CTNNA2: variants seen among roughly 807,000 people sequenced by gnomAD.
CTNNA2 encodes catenin alpha 2, also known as catenin alpha-2.
Under a neutral mutation model 101.0 loss-of-function variants are expected in CTNNA2, and 42 were observed. The ratio of observed to expected loss-of-function variants is 0.42; its 90% CI spans 0.32 to 0.54. The LOEUF (loss-of-function observed/expected upper bound fraction) is 0.54. CTNNA2 is among the 20% of genes least tolerant of loss of function. CTNNA2 has a pLI of 0.14. For missense variants in CTNNA2, 871 were observed against 1,223.1 expected (o/e 0.71, Z 4.29); for synonymous variants, 450 against 456.4 (o/e 0.99, Z 0.18).
intron 1 of CTNNA2, among the ~76,000 whole-genome samples, chr2:79,541,210 A>G (rs13427707): frequency 3.2e-4 from 14 of 44,276 alleles, no homozygotes; most frequent in South Asian, 5.5e-4. Flanking sequence ...GTTTGTGTGT[A>G]TATATATATA....
chr2:79,938,560 C>T (rs1250150592), intron 7 of CTNNA2, among the ~76,000 whole-genome samples: 1 of 152,118 alleles, frequency 6.6e-6, no homozygotes, highest in East Asian at 1.9e-4. Flanking sequence ...GAACAGCGAG[C>T]GATCTGTTCG....
intron 3 of CTNNA2, among the ~76,000 whole-genome samples, chr2:79,852,032 C>T (rs1270320582): frequency 1.3e-5 from 2 of 152,184 alleles, no homozygotes; most frequent in Admixed American, 1.3e-4. Flanking sequence ...GCCACAACAC[C>T]CGGCCTTCTC....
chr2:79,264,284 T>A (rs1573005278), intron 2 of CTNNA2, among the ~76,000 whole-genome samples: 1 of 152,138 alleles, frequency 6.6e-6, no homozygotes, highest in Admixed American at 6.6e-5. Flanking sequence ...CTTTCTTTCA[T>A]ACCACTGGTA....
chr2:79,883,352 A>G (rs1160369423), intron 6 of CTNNA2, among the ~76,000 whole-genome samples: 3 of 152,188 alleles, frequency 2.0e-5, no homozygotes, highest in South Asian at 2.1e-4. Flanking sequence ...TTGGTGACCT[A>G]TTTTCTGGCA....
At chr2:80,202,715 T>A (rs904342843) in intron 7 of CTNNA2, among the ~76,000 whole-genome samples, 7 of 151,516 alleles carry the variant, frequency 4.6e-5, no homozygotes, top group African/African-American at 1.7e-4. Context: ...CAAAGAACTT[T>A]GTTTCCAAGA....
At chr2:79,577,780 C>T (rs527860583) in intron 1 of CTNNA2, among the ~76,000 whole-genome samples, 7 of 152,150 alleles carry the variant, frequency 4.6e-5, no homozygotes, top group South Asian at 2.1e-4. Flanking sequence ...TTTGTGAAAC[C>T]GTTTCCTTCT....
At chr2:79,799,360 G>A (rs2105290075) in intron 3 of CTNNA2, among the ~76,000 whole-genome samples, 1 of 152,052 alleles carries the variant, frequency 6.6e-6, no homozygotes. Flanking sequence ...TATAGACTGT[G>A]ATACAGAGTT....
chr2:79,357,551 C>T (rs148547242), intron 3 of CTNNA2, among the ~76,000 whole-genome samples: 313 of 152,106 alleles, frequency 2.1e-3, no homozygotes, highest in African/African-American at 7.3e-3. Context: ...AGAGAATGGG[C>T]GGAAGAAATG....
rs145060084 is a variant in CTNNA2, at chr2:80,017,444, G to A, written c.1056+107647G>A. On this transcript the variant is annotated intron_variant, in intron 7 of 18. Coordinates refer to ENST00000402739, the MANE Select transcript of CTNNA2 (RefSeq NM_001282597.3). Reference sequence around the variant, plus strand: ...CTGATTTACATTGAGATATATATACGTGTGTATATATATGTATATATGTGT... The same window carrying A: ...CTGATTTACATTGAGATATATATACATGTGTATATATATGTATATATGTGT... Among the ~76,000 whole-genome samples, 18 of 151,540 alleles carry A rather than the reference G, an allele frequency of 1.2e-4. No individual in the cohort carries two copies. In the East Asian group the frequency reaches 3.1e-3, roughly 26 times the overall value.
intron 3 of CTNNA2, among the ~76,000 whole-genome samples, chr2:79,795,780 A>T (rs1675648926): frequency 6.6e-6 from 1 of 152,224 alleles, no homozygotes; most frequent in African/African-American, 2.4e-5. Flanking sequence ...AAAAAGGGTT[A>T]CTCAACACTA....
chr2:79,576,535 T>C (rs1178348819), intron 1 of CTNNA2, among the ~76,000 whole-genome samples: 1 of 152,166 alleles, frequency 6.6e-6, no homozygotes, highest in African/African-American at 2.4e-5. Flanking sequence ...AACAAGAGTC[T>C]CATCGATTTG....
chr2:80,054,976 A>G (rs959594099), intron 7 of CTNNA2, among the ~76,000 whole-genome samples: 1 of 151,808 alleles, frequency 6.6e-6, no homozygotes, highest in Non-Finnish European at 1.5e-5. Flanking sequence ...AAATTAAATT[A>G]AACTGTACTT....
At chr2:79,589,695 G>A (rs568188014) in intron 1 of CTNNA2, among the ~76,000 whole-genome samples, 2 of 134,358 alleles carry the variant, frequency 1.5e-5, no homozygotes, top group East Asian at 4.5e-4. Flanking sequence ...CTTTCCTGCA[G>A]CATTTTCCAG....
At chr2:79,823,336 C>A (rs986116207) in intron 3 of CTNNA2, among the ~76,000 whole-genome samples, 4 of 152,112 alleles carry the variant, frequency 2.6e-5, no homozygotes, top group African/African-American at 9.7e-5. Context: ...ATTTTAAAAT[C>A]TCATGATTAC....
intron 3 of CTNNA2, among the ~76,000 whole-genome samples, chr2:79,769,210 T>A (rs988252154): frequency 6.6e-6 from 1 of 152,178 alleles, no homozygotes; most frequent in Non-Finnish European, 1.5e-5. Context: ...CCTTAAAAAA[T>A]GTCCAAAAAT....
chr2:80,164,476 A>G (rs114403364), intron 7 of CTNNA2, among the ~76,000 whole-genome samples: 2 of 151,990 alleles, frequency 1.3e-5, no homozygotes, highest in African/African-American at 2.4e-5. Context: ...TCAATATTTT[A>G]TATGTGTACA....
At chr2:80,374,946 A>C (rs554020663) in intron 7 of CTNNA2, among the ~76,000 whole-genome samples, 1 of 152,132 alleles carries the variant, frequency 6.6e-6, no homozygotes, top group South Asian at 2.1e-4. Context: ...GGTGCCCAAT[A>C]AACACTTACT....
chr2:80,021,317 G>A (rs1357212671), intron 7 of CTNNA2, among the ~76,000 whole-genome samples: 1 of 152,054 alleles, frequency 6.6e-6, no homozygotes, highest in Non-Finnish European at 1.5e-5. Context: ...ACCACGCCCG[G>A]ACTAATCCTT....
chr2:80,383,898 C>A (rs1008856852), intron 7 of CTNNA2, among the ~76,000 whole-genome samples: 10 of 152,074 alleles, frequency 6.6e-5, no homozygotes, highest in African/African-American at 2.4e-4. Flanking sequence ...TTCACAATAG[C>A]AAAGACATGG....
Sources: gnomAD v4.1 joint callset for allele counts (sites outside exome capture counted in the v4.1 genomes callset) on GRCh38, gnomAD v4.1.1 for gene constraint, MANE v1.5 for transcripts, NCBI Gene and HGNC (gene_info 2026-07-23, HGNC 2026-07-21) for gene names.